Variants in GPRC6A observed in about 807,000 individuals in gnomAD.
GPRC6A encodes G protein-coupled receptor family C group 6 member A.
Under a neutral mutation model 47.0 loss-of-function variants are expected in GPRC6A, and 54 were observed. The observed-to-expected ratio is 1.15, with a 90% CI of 0.92 to 1.44. The LOEUF is 1.44. GPRC6A is among the 40% of genes most tolerant of loss of function. The pLI, the probability that GPRC6A is intolerant of heterozygous loss-of-function variation, is 0.00. For synonymous variants in GPRC6A, 347 were observed against 377.1 expected (o/e 0.92, Z 0.93); for missense variants, 1,112 against 1,105.5 (o/e 1.01, Z -0.08).
chr6:116,812,287 T>G (rs1214641038), intron 1 of GPRC6A, among the ~76,000 whole-genome samples: 2 of 152,080 alleles, frequency 1.3e-5, no homozygotes, highest in Non-Finnish European at 2.9e-5. Context: ...CCTTCATAAA[T>G]AGAGGAGAAA....
chr6:116,822,704 A>C (rs1329750933), intron 1 of GPRC6A, among the ~76,000 whole-genome samples: 15 of 120,990 alleles, frequency 1.2e-4, no homozygotes, highest in African/African-American at 3.1e-4. Flanking sequence ...CACTCTGGGA[A>C]CTGTTGTGGG....
chr6:116,826,343 A>G (rs1166212029), intron 1 of GPRC6A, among the ~76,000 whole-genome samples: 1 of 151,940 alleles, frequency 6.6e-6, no homozygotes, highest in Non-Finnish European at 1.5e-5. Context: ...CTCAACAATA[A>G]AAAAGCAAAA....
intron 1 of GPRC6A, among the ~76,000 whole-genome samples, chr6:116,825,529 A>T (rs752308004): frequency 2.0e-5 from 3 of 152,146 alleles, no homozygotes; most frequent in South Asian, 2.1e-4. Flanking sequence ...GATCTCTACA[A>T]GCAAAACTAT....
At chr6:116,828,792 C>A in intron 1 of GPRC6A, 28 bp downstream of exon 1, 1 of 1,584,608 alleles carries the variant, frequency 6.3e-7, no homozygotes, top group Admixed American at 1.7e-5. Flanking sequence ...ATCTTGAAAT[C>A]TAAACGTGTT....
Position 116,806,610 on chromosome 6 carries a change from T to C in GPRC6A, c.1095A>G (p.Ala365=), listed in dbSNP as rs1342087975. 6.8e-6 allele frequency: 11 copies of C among 1,613,456 alleles called. No homozygotes were observed. The highest frequency in any genetic ancestry group is 9.3e-6 in the Non-Finnish European group (11 of 1,179,700). Residue 365 remains alanine (A), a synonymous_variant, in exon 3 of 6, where the codon GCA becomes GCG. Coordinates refer to ENST00000310357, the MANE Select transcript of GPRC6A (RefSeq NM_148963.4). ...HEYAMHLSAC[A]YVKDTDLSQC... ...GACTCAAATCAGTGTCCTTGACATA[T>C]GCGCAGGCAGATAAATGCATGGCAT...
chr6:116,820,212 A>T (rs953807764), intron 1 of GPRC6A, among the ~76,000 whole-genome samples: 2 of 152,122 alleles, frequency 1.3e-5, no homozygotes, highest in African/African-American at 4.8e-5. Flanking sequence ...TGTGGCAATA[A>T]TCAATAGTTT....
intron 1 of GPRC6A, among the ~76,000 whole-genome samples, chr6:116,821,305 A>G (rs937095347): frequency 1.2e-4 from 19 of 152,148 alleles, no homozygotes; most frequent in East Asian, 1.9e-4. Context: ...TACAGATTCA[A>G]TGCCATCCCC....
chr6:116,826,382 A>T (rs754303719), intron 1 of GPRC6A, among the ~76,000 whole-genome samples: 2 of 151,956 alleles, frequency 1.3e-5, no homozygotes, highest in Non-Finnish European at 2.9e-5. Flanking sequence ...AAAGAACATG[A>T]ACAGATGATT....
intron 1 of GPRC6A, among the ~76,000 whole-genome samples, chr6:116,818,032 G>T (rs920612084): frequency 6.6e-6 from 1 of 152,064 alleles, no homozygotes; most frequent in East Asian, 1.9e-4. Flanking sequence ...TACAGAGAAC[G>T]CCACAAAGAT....
intron 1 of GPRC6A, among the ~76,000 whole-genome samples, chr6:116,813,110 G>A (rs1773082285): frequency 6.6e-6 from 1 of 152,112 alleles, no homozygotes; most frequent in Non-Finnish European, 1.5e-5. Flanking sequence ...AATAAAAGAA[G>A]ACACAAACAA....
intron 5 of GPRC6A, 112 bp downstream of exon 5, chr6:116,795,600 G>A: frequency 1.2e-6 from 1 of 823,654 alleles, no homozygotes; most frequent in Non-Finnish European, 1.8e-6. Flanking sequence ...ACAGGAGCAT[G>A]GGAAGCTTTT....
At chr6:116,822,620 C>G (rs1436328385) in intron 1 of GPRC6A, among the ~76,000 whole-genome samples, 3 of 143,778 alleles carry the variant, frequency 2.1e-5, no homozygotes, top group Non-Finnish European at 4.5e-5. Context: ...AACAAAAAAC[C>G]AAACACCGCA....
intron 1 of GPRC6A, among the ~76,000 whole-genome samples, chr6:116,819,914 C>A (rs1188999805): frequency 1.3e-5 from 2 of 149,338 alleles, no homozygotes; most frequent in Non-Finnish European, 3.0e-5. Flanking sequence ...ATTAATGAAT[C>A]CAGGAGCTGG....
intron 2 of GPRC6A, among the ~76,000 whole-genome samples, chr6:116,808,985 G>A (rs1344573618): frequency 6.6e-6 from 1 of 152,140 alleles, no homozygotes; most frequent in Non-Finnish European, 1.5e-5. Context: ...ACATGACCCA[G>A]GCTTTGCCTG....
Position 116,829,022 on chromosome 6 carries a change from C to A in GPRC6A, c.-9G>T, listed in dbSNP as rs756317369. 1 of 1,606,310 alleles carries A rather than the reference C, an allele frequency of 6.2e-7. No homozygotes were observed. The highest frequency in any genetic ancestry group is 8.5e-7 in the Non-Finnish European group (1 of 1,175,892). ...ATAATTAAGAATGCCATGTTTCTAT[C>A]TCATTTGCTCAGTTCATGTGAGTTC... On this transcript the variant is annotated 5_prime_UTR_variant, in exon 1 of 6. Transcript: ENST00000310357.
At chr6:116,798,600 A>G (rs1284875623) in intron 4 of GPRC6A, among the ~76,000 whole-genome samples, 1 of 152,086 alleles carries the variant, frequency 6.6e-6, no homozygotes, top group Non-Finnish European at 1.5e-5. Flanking sequence ...AACAGACTGA[A>G]GGGGGCTGGC....
intron 1 of GPRC6A, among the ~76,000 whole-genome samples, chr6:116,816,161 A>C (rs1773198801): frequency 6.6e-6 from 1 of 152,256 alleles, no homozygotes; most frequent in Non-Finnish European, 1.5e-5. Context: ...CCAGTCTCCC[A>C]GTGTCTTAAC....
rs1264259591 is a variant in GPRC6A at position 116,799,431 on chromosome 6, T to C, written c.1548+1153A>G. 2.0e-5 allele frequency among the ~76,000 whole-genome samples: 3 copies of C among 152,210 alleles called. No homozygotes were observed. In the East Asian group the frequency reaches 5.8e-4, roughly 29 times the overall value. The stretch of plus-strand genomic sequence containing the variant: ...AGGAGACAGAGAATTAGTGGCAAGA[T>C]ACACAGGAAGAAAATCAAGGAAATG... On this transcript the variant is annotated intron_variant, in intron 4 of 5. Coordinates refer to ENST00000310357, the MANE Select transcript of GPRC6A (RefSeq NM_148963.4).
chr6:116,817,797 G>T (rs200126701), intron 1 of GPRC6A, among the ~76,000 whole-genome samples: 13 of 152,072 alleles, frequency 8.5e-5, no homozygotes, highest in Non-Finnish European at 1.8e-4. Flanking sequence ...GAAGATGAAA[G>T]GAATGAAATG....
Sources: gnomAD v4.1 joint callset for allele counts (sites outside exome capture counted in the v4.1 genomes callset) on GRCh38, gnomAD v4.1.1 for gene constraint, MANE v1.5 for transcripts, NCBI Gene and HGNC (gene_info 2026-07-23, HGNC 2026-07-21) for gene names.